SORCS2: variants seen among roughly 807,000 people sequenced by gnomAD.
SORCS2 encodes the protein sortilin related VPS10 domain containing receptor 2.
A neutral mutation model predicts 141.6 loss-of-function variants in SORCS2; 100 were observed. That is an observed-to-expected ratio of 0.71 (90% confidence interval 0.60 to 0.83). SORCS2 has a LOEUF of 0.83. Among genes scored for constraint, SORCS2 ranks in the 40% least tolerant of loss-of-function variants. SORCS2 has a pLI of 0.00. For missense variants in SORCS2, 1,646 were observed against 1,560.2 expected (o/e 1.05, Z -0.93); for synonymous variants, 789 against 676.9 (o/e 1.17, Z -2.57).
At chr4:7,305,422 G>A (rs1717749298) in intron 1 of SORCS2, among the ~76,000 whole-genome samples, 1 of 151,014 alleles carries the variant, frequency 6.6e-6, no homozygotes, top group Non-Finnish European at 1.5e-5. Flanking sequence ...AGAAGGAGGG[G>A]TGCCCGGCCA....
intron 1 of SORCS2, among the ~76,000 whole-genome samples, chr4:7,246,273 C>G (rs1447204380): frequency 6.6e-6 from 1 of 152,314 alleles, no homozygotes; most frequent in South Asian, 2.1e-4. Flanking sequence ...ATGTAAGGAA[C>G]CCCCATCCAC....
At chr4:7,213,384 G>A (rs1029382755) in intron 1 of SORCS2, among the ~76,000 whole-genome samples, 4 of 152,246 alleles carry the variant, frequency 2.6e-5, no homozygotes, top group Non-Finnish European at 5.9e-5. Flanking sequence ...GGCAGCCTGG[G>A]GAGGGCTGGA....
At chr4:7,518,205 G>A (rs1033077159) in intron 2 of SORCS2, among the ~76,000 whole-genome samples, 1 of 152,176 alleles carries the variant, frequency 6.6e-6, no homozygotes, top group African/African-American at 2.4e-5. Flanking sequence ...GGATACATTA[G>A]CGTATCAGGA....
At chr4:7,546,435 C>T (rs989590802) in intron 3 of SORCS2, among the ~76,000 whole-genome samples, 6 of 152,206 alleles carry the variant, frequency 3.9e-5, no homozygotes, top group African/African-American at 1.2e-4. Flanking sequence ...ACCTCCCTGC[C>T]ATCTTTGCCT....
At chr4:7,405,511 T>A (rs960223623) in intron 2 of SORCS2, among the ~76,000 whole-genome samples, 20 of 152,052 alleles carry the variant, frequency 1.3e-4, no homozygotes, top group African/African-American at 4.8e-4. Flanking sequence ...ATTTGTGTCA[T>A]CTACAATTTC....
chr4:7,566,959 C>T (rs1254215899), intron 3 of SORCS2, among the ~76,000 whole-genome samples: 1 of 152,222 alleles, frequency 6.6e-6, no homozygotes, highest in Non-Finnish European at 1.5e-5. Context: ...CTGGGAAATG[C>T]AGAGGGGGCA....
At chr4:7,537,102 C>T (rs1479513690) in intron 3 of SORCS2, among the ~76,000 whole-genome samples, 1 of 152,234 alleles carries the variant, frequency 6.6e-6, no homozygotes, top group African/African-American at 2.4e-5. Context: ...GCAAGCACAG[C>T]CCGGCCCGCT....
chr4:7,682,742 G>A lies in SORCS2; in HGVS notation c.1342-1G>A. 1 of 1,607,554 alleles carries A rather than the reference G, an allele frequency of 6.2e-7. No homozygotes were observed. On this transcript the variant is annotated splice_acceptor_variant, in intron 9 of 26. Transcript: ENST00000507866. LOFTEE classifies it high-confidence loss of function. ...CAGTCCTTCTTTTATTTTTGTCCCAGGTCAGAGGGGTGAAAGGAGTCTTCC... is the reference window on the plus strand; with the variant it reads ...CAGTCCTTCTTTTATTTTTGTCCCAAGTCAGAGGGGTGAAAGGAGTCTTCC...
chr4:7,721,754 G>A (rs1726602430), intron 18 of SORCS2, among the ~76,000 whole-genome samples: 1 of 152,198 alleles, frequency 6.6e-6, no homozygotes, highest in East Asian at 1.9e-4. Context: ...TCCTGTATCA[G>A]TGTTAACCTC....
intron 3 of SORCS2, among the ~76,000 whole-genome samples, chr4:7,588,598 C>G (rs1329380153): frequency 6.6e-6 from 1 of 152,110 alleles, no homozygotes; most frequent in African/African-American, 2.4e-5. Flanking sequence ...AGGGGAATCA[C>G]GTGGGCTGGC....
chr4:7,630,380 G>A (rs994505990), intron 3 of SORCS2, among the ~76,000 whole-genome samples: 1 of 152,208 alleles, frequency 6.6e-6, no homozygotes, highest in East Asian at 1.9e-4. Context: ...GCAACAAAAA[G>A]AATGAAGACC....
chr4:7,355,695 G>T (rs750030752), intron 1 of SORCS2, among the ~76,000 whole-genome samples: 1 of 152,224 alleles, frequency 6.6e-6, no homozygotes, highest in East Asian at 1.9e-4. Flanking sequence ...CCCCCAGAGC[G>T]CATGAAACCT....
chr4:7,304,486 C>T (rs759749868), intron 1 of SORCS2, among the ~76,000 whole-genome samples: 11 of 152,216 alleles, frequency 7.2e-5, no homozygotes, highest in African/African-American at 2.4e-4. Context: ...TCCTGCCTCC[C>T]GTCCATCCAG....
intron 1 of SORCS2, among the ~76,000 whole-genome samples, chr4:7,262,904 G>A (rs1714461727): frequency 6.6e-6 from 1 of 152,218 alleles, no homozygotes; most frequent in South Asian, 2.1e-4. Flanking sequence ...TCACCGCAGG[G>A]CTCAGACGGC....
intron 2 of SORCS2, among the ~76,000 whole-genome samples, chr4:7,502,611 C>T (rs1022688320): frequency 2.6e-5 from 4 of 152,220 alleles, no homozygotes; most frequent in Non-Finnish European, 5.9e-5. Flanking sequence ...TTGTCCCTTC[C>T]CATAACTCCC....
chr4:7,539,802 C>T (rs937503128), intron 3 of SORCS2, among the ~76,000 whole-genome samples: 5 of 150,978 alleles, frequency 3.3e-5, no homozygotes, highest in African/African-American at 1.2e-4. Flanking sequence ...GCTCTGCCTC[C>T]TTCCTGCTGT....
At chr4:7,495,031 C>A (rs758342784) in intron 2 of SORCS2, among the ~76,000 whole-genome samples, 37 of 152,234 alleles carry the variant, frequency 2.4e-4, no homozygotes, top group Non-Finnish European at 4.4e-5. Context: ...TGGTAAGGAA[C>A]AGCTGAAGAA....
At chr4:7,373,731 A>G (rs529942822) in intron 1 of SORCS2, among the ~76,000 whole-genome samples, 4 of 151,586 alleles carry the variant, frequency 2.6e-5, no homozygotes, top group Non-Finnish European at 5.9e-5. Context: ...ACCTCAAGTG[A>G]TCCACCCGCC....
intron 1 of SORCS2, among the ~76,000 whole-genome samples, chr4:7,367,529 A>T (rs919853567): frequency 1.3e-5 from 2 of 152,208 alleles, no homozygotes; most frequent in Non-Finnish European, 2.9e-5. Context: ...TCACACAGCA[A>T]CGGCGCCCGG....
Sources: allele counts gnomAD v4.1 joint callset (sites outside exome capture counted in the v4.1 genomes callset), GRCh38; gene constraint gnomAD v4.1.1; transcripts MANE v1.5; gene names NCBI Gene and HGNC (gene_info 2026-07-23, HGNC 2026-07-21).